NWD2: variants seen among roughly 807,000 people sequenced by gnomAD.
NWD2 encodes NACHT and WD repeat domain containing 2, also known as NACHT and WD repeat domain-containing protein 2.
A neutral mutation model predicts 132.7 loss-of-function variants in NWD2; 37 were observed. The observed-to-expected ratio is 0.28, with a 90% CI of 0.21 to 0.37. NWD2 has a LOEUF of 0.37. Ranked by LOEUF, NWD2 falls within the 10% of genes least tolerant of loss-of-function variation. NWD2 has a pLI of 1.00. For missense variants in NWD2, 1,592 were observed against 2,122.4 expected (o/e 0.75, Z 4.91); for synonymous variants, 705 against 803.0 (o/e 0.88, Z 2.06).
intron 3 of NWD2, among the ~76,000 whole-genome samples, chr4:37,407,661 G>A (rs968473466): frequency 5.3e-5 from 8 of 152,218 alleles, no homozygotes; most frequent in Non-Finnish European, 8.8e-5. Flanking sequence ...CAAGGCAGCT[G>A]CAAAAAGAAA....
chr4:37,331,882 G>C (rs1220096153), intron 2 of NWD2, among the ~76,000 whole-genome samples: 1 of 152,092 alleles, frequency 6.6e-6, no homozygotes, highest in Admixed American at 6.5e-5. Flanking sequence ...TTGGTGAAGG[G>C]AGAGTACAGT....
chr4:37,393,149 T>C (rs779935868), intron 3 of NWD2, among the ~76,000 whole-genome samples: 5 of 151,758 alleles, frequency 3.3e-5, no homozygotes, highest in Non-Finnish European at 5.9e-5. Flanking sequence ...GCCCTTTTCT[T>C]AGAAAACAAA....
At chr4:37,371,693 T>C (rs1327300114) in intron 3 of NWD2, among the ~76,000 whole-genome samples, 1 of 152,228 alleles carries the variant, frequency 6.6e-6, no homozygotes, top group Non-Finnish European at 1.5e-5. Flanking sequence ...CAATTCTCTT[T>C]TTTGATATCA....
At chr4:37,407,940 T>A (rs1721078121) in intron 3 of NWD2, among the ~76,000 whole-genome samples, 1 of 151,910 alleles carries the variant, frequency 6.6e-6, no homozygotes, top group African/African-American at 2.4e-5. Flanking sequence ...GTCAGGGAAT[T>A]TTCTCCCCTA....
At chr4:37,285,154 C>T (rs1039425095) in intron 1 of NWD2, among the ~76,000 whole-genome samples, 4 of 152,246 alleles carry the variant, frequency 2.6e-5, no homozygotes, top group East Asian at 1.9e-4. Flanking sequence ...CTGAAGCCTA[C>T]GTCAAGTCAC....
At chr4:37,298,655 G>A (rs945626834) in intron 1 of NWD2, among the ~76,000 whole-genome samples, 1 of 152,064 alleles carries the variant, frequency 6.6e-6, no homozygotes, top group Non-Finnish European at 1.5e-5. Context: ...AGAAACTATG[G>A]AAACAGAAAA....
At chr4:37,255,744 TG>T (rs1717504336) in intron 1 of NWD2, among the ~76,000 whole-genome samples, 1 of 152,116 alleles carries the variant, frequency 6.6e-6, no homozygotes, top group African/African-American at 2.4e-5. Flanking sequence ...AATCTGCTCT[TG>T]GGATTAGAAC....
chr4:37,359,761 T>C (rs1252798098), intron 3 of NWD2, among the ~76,000 whole-genome samples: 3 of 152,208 alleles, frequency 2.0e-5, no homozygotes, highest in African/African-American at 7.2e-5. Flanking sequence ...CTTGGCCTTT[T>C]TCGACTTCAT....
chr4:37,247,376 C>T (rs373703126), intron 1 of NWD2, among the ~76,000 whole-genome samples: 10 of 152,268 alleles, frequency 6.6e-5, no homozygotes, highest in Admixed American at 2.0e-4. Flanking sequence ...TACTGAAGAG[C>T]CTCTCTACTG....
Position 37,424,217 on chromosome 4 carries a change from T to C in NWD2, c.358-6355T>C, listed in dbSNP as rs151214431. 9.8e-4 allele frequency among the ~76,000 whole-genome samples: 149 copies of C among 152,344 alleles called. 1 individual carries two copies. The highest frequency in any genetic ancestry group is 3.5e-3 in the African/African-American group (144 of 41,596). On this transcript the variant is annotated intron_variant, in intron 3 of 6. Transcript: ENST00000309447. ...AGTACACAGGGTGCACATTCATACA[T>C]GGTAGCCCTGCCAAGGGTACTGCCT...
chr4:37,317,979 C>T (rs922225144), intron 1 of NWD2, among the ~76,000 whole-genome samples: 5 of 150,058 alleles, frequency 3.3e-5, no homozygotes, highest in African/African-American at 2.4e-5. Flanking sequence ...GTACTAATTA[C>T]GTTCTGGGAG....
At chr4:37,414,513 A>G (rs76121059) in intron 3 of NWD2, among the ~76,000 whole-genome samples, 1 of 151,968 alleles carries the variant, frequency 6.6e-6, no homozygotes, top group African/African-American at 2.4e-5. Flanking sequence ...AATTACCTTT[A>G]TGCTCCAGAA....
chr4:37,414,068 T>C (rs978964499), intron 3 of NWD2, among the ~76,000 whole-genome samples: 3 of 151,914 alleles, frequency 2.0e-5, no homozygotes, highest in Non-Finnish European at 4.4e-5. Context: ...TGTGTATACC[T>C]ATGCAACAAA....
chr4:37,443,175 TC>T lies in NWD2; in HGVS notation c.1297-108del. 2.0e-6 allele frequency: 2 copies of T among 977,572 alleles called. No homozygotes were observed. Among genetic ancestry groups the T allele is most frequent in the Non-Finnish European group, 2.9e-6 (2 of 680,472 alleles). 60.6% of individuals were successfully genotyped at this position (977,572 alleles called of 1,614,324 possible). On this transcript the variant is annotated intron_variant, in intron 6 of 6. Transcript: ENST00000309447. The surrounding 1 kb of genome is among the most constrained non-coding windows in gnomAD (Gnocchi z 4.1). ...TTCCAATTTTTGGTCCTAAGCTATT[TC>T]CTGCACAGCAGAGGAGACCAGAAAT...
intron 3 of NWD2, among the ~76,000 whole-genome samples, chr4:37,382,809 G>A (rs1026561754): frequency 2.0e-5 from 3 of 152,002 alleles, no homozygotes; most frequent in African/African-American, 7.2e-5. Context: ...TTGTGCCTCA[G>A]CCTCCCGAGT....
intron 1 of NWD2, among the ~76,000 whole-genome samples, chr4:37,266,401 T>C (rs1325000857): frequency 6.6e-6 from 1 of 152,106 alleles, no homozygotes; most frequent in East Asian, 1.9e-4. Flanking sequence ...AGATCAGCTC[T>C]TCTAACTTTG....
intron 3 of NWD2, among the ~76,000 whole-genome samples, chr4:37,383,954 T>C (rs771554387): frequency 2.0e-5 from 3 of 152,218 alleles, no homozygotes; most frequent in Non-Finnish European, 4.4e-5. Flanking sequence ...CCTTTTTATT[T>C]TTTTATTTAA....
At chr4:37,375,209 TAA>T (rs1437531006) in intron 3 of NWD2, among the ~76,000 whole-genome samples, 1 of 152,206 alleles carries the variant, frequency 6.6e-6, no homozygotes, top group African/African-American at 2.4e-5. Context: ...CAAACCGATA[TAA>T]CCAACTTTGT....
At chr4:37,338,511 A>T (rs1205948805) in intron 2 of NWD2, among the ~76,000 whole-genome samples, 1 of 152,250 alleles carries the variant, frequency 6.6e-6, no homozygotes, top group East Asian at 1.9e-4. Context: ...TTTAAATGGA[A>T]TAGAACTAAA....
Sources: gnomAD v4.1 joint callset for allele counts (sites outside exome capture counted in the v4.1 genomes callset) on GRCh38, gnomAD v4.1.1 for gene constraint, Gnocchi (gnomAD v3.1) non-coding constraint, MANE v1.5 for transcripts, NCBI Gene and HGNC (gene_info 2026-07-23, HGNC 2026-07-21) for gene names.